ELMO1: variants seen among roughly 807,000 people sequenced by gnomAD.
The protein encoded by ELMO1 is engulfment and cell motility protein 1.
Under a neutral mutation model 98.9 loss-of-function variants are expected in ELMO1, and 26 were observed. The observed-to-expected ratio is 0.26, with a 90% CI of 0.19 to 0.36. The LOEUF (loss-of-function observed/expected upper bound fraction) is 0.36, where lower values mean the gene tolerates loss of function less well. Among genes scored for constraint, ELMO1 ranks in the 10% least tolerant of loss-of-function variants. The pLI, the probability that ELMO1 is intolerant of heterozygous loss-of-function variation, is 1.00. For synonymous variants in ELMO1, 346 were observed against 346.0 expected (o/e 1.00, Z 0.00); for missense variants, 627 against 935.2 (o/e 0.67, Z 4.30).
intron 7 of ELMO1, among the ~76,000 whole-genome samples, chr7:37,238,944 C>G (rs918368214): frequency 6.6e-6 from 1 of 151,982 alleles, no homozygotes; most frequent in African/African-American, 2.4e-5. Context: ...ATTAACATGC[C>G]TCTGTGGATT....
chr7:37,218,693 T>G (rs1034207847), intron 10 of ELMO1, among the ~76,000 whole-genome samples: 1 of 152,228 alleles, frequency 6.6e-6, no homozygotes, highest in African/African-American at 2.4e-5. Context: ...TTAGAAAAAC[T>G]ACAATGCATG....
intron 16 of ELMO1, among the ~76,000 whole-genome samples, chr7:36,944,020 G>A (rs897308324): frequency 6.6e-6 from 1 of 152,200 alleles, no homozygotes; most frequent in Non-Finnish European, 1.5e-5. Flanking sequence ...CAAGATGGAG[G>A]TGGGGAGTAC....
At chr7:36,888,671 A>G (rs148222560) in intron 17 of ELMO1, among the ~76,000 whole-genome samples, 53 of 152,338 alleles carry the variant, frequency 3.5e-4, no homozygotes, top group Admixed American at 1.4e-3. Flanking sequence ...ACTGAGCAGG[A>G]ATGTAAGGCA....
At chr7:37,092,430 G>A (rs1469722383) in intron 15 of ELMO1, among the ~76,000 whole-genome samples, 4 of 142,360 alleles carry the variant, frequency 2.8e-5, no homozygotes, top group Non-Finnish European at 6.0e-5. Flanking sequence ...CCAGGCTGGA[G>A]GGCAGTGGTG....
intron 13 of ELMO1, among the ~76,000 whole-genome samples, chr7:37,187,982 T>C (rs1195718938): frequency 1.3e-5 from 2 of 152,068 alleles, no homozygotes; most frequent in African/African-American, 4.8e-5. Flanking sequence ...CTTTGTCTAA[T>C]CATTTCTATT....
intron 2 of ELMO1, among the ~76,000 whole-genome samples, chr7:37,321,585 C>T (rs1390078109): frequency 2.0e-5 from 3 of 151,166 alleles, no homozygotes; most frequent in African/African-American, 4.9e-5. Flanking sequence ...GGCGTGGTGG[C>T]GGGCGCCTGT....
chr7:37,173,627 C>T (rs577010690), intron 13 of ELMO1, among the ~76,000 whole-genome samples: 7 of 152,376 alleles, frequency 4.6e-5, no homozygotes, highest in Admixed American at 4.6e-4. Context: ...TGACCTTCTC[C>T]TCCAGCCCCA....
chr7:37,096,578 T>G (rs1479348249), intron 15 of ELMO1, 41 bp downstream of exon 15: 1 of 1,565,294 alleles, frequency 6.4e-7, no homozygotes, highest in African/African-American at 1.4e-5. Flanking sequence ...AAGCTGGGAC[T>G]CTGCCAGCTT....
Position 36,853,131 on chromosome 7 carries a change from T to G in ELMO1, c.*2420A>C, listed in dbSNP as rs1368598679. Among the ~76,000 whole-genome samples, 1 of 152,142 alleles carries G rather than the reference T, an allele frequency of 6.6e-6. No individual in the cohort carries two copies. ...AGAGAGAAGGTGAGGTGGCCAAATA[T>G]GGGCAACAATCCTTCCCCACATGGT... On this transcript the variant is annotated 3_prime_UTR_variant, in exon 22 of 22. Transcript: ENST00000310758.
intron 1 of ELMO1, among the ~76,000 whole-genome samples, chr7:37,377,861 C>T (rs963271514): frequency 6.6e-6 from 1 of 152,136 alleles, no homozygotes; most frequent in Non-Finnish European, 1.5e-5. Flanking sequence ...GCTATACTTC[C>T]CCACTGAAGC....
At chr7:37,040,044 A>G (rs1046806289) in intron 15 of ELMO1, among the ~76,000 whole-genome samples, 21 of 151,586 alleles carry the variant, frequency 1.4e-4, no homozygotes, top group African/African-American at 4.8e-4. Context: ...GTTTGTGTGT[A>G]TGTGTGTGTG....
chr7:37,284,390 T>G (rs1248428096), intron 4 of ELMO1, among the ~76,000 whole-genome samples: 3 of 152,090 alleles, frequency 2.0e-5, no homozygotes, highest in African/African-American at 7.2e-5. Context: ...GTGAATGAGA[T>G]GGGAAGGGAA....
intron 2 of ELMO1, among the ~76,000 whole-genome samples, chr7:37,331,568 C>T (rs907520985): frequency 6.6e-5 from 10 of 151,978 alleles, no homozygotes; most frequent in African/African-American, 1.9e-4. Context: ...GCTTTGTCCT[C>T]ATAATCTCCT....
intron 15 of ELMO1, among the ~76,000 whole-genome samples, chr7:37,065,907 A>T (rs968348736): frequency 2.0e-5 from 3 of 152,136 alleles, no homozygotes; most frequent in African/African-American, 7.2e-5. Context: ...CTGAGCTGTA[A>T]TAATCCCCAC....
chr7:37,447,713 ACCACACACACAC>A (rs1562698624), intron 1 of ELMO1, among the ~76,000 whole-genome samples: 1 of 45,070 alleles, frequency 2.2e-5, no homozygotes, highest in Non-Finnish European at 4.5e-5. Context: ...GCGCGCACAC[ACCACACACACAC>A]ACACACACAC....
chr7:36,967,193 C>A (rs1171782587), intron 16 of ELMO1, among the ~76,000 whole-genome samples: 1 of 152,158 alleles, frequency 6.6e-6, no homozygotes, highest in African/African-American at 2.4e-5. Context: ...GAAATACATG[C>A]TCTAGGCCAA....
In ELMO1 at chr7:37,004,328, T is replaced by C. The variant is rs1042620725; in HGVS notation, c.1437+8971A>G. Among the ~76,000 whole-genome samples the C allele has an allele frequency of 4.6e-5, 7 of 152,198 alleles. No individual in the cohort carries two copies. The South Asian group carries it at 6.2e-4, about 14-fold the overall frequency. On this transcript the variant is annotated intron_variant, in intron 16 of 21. Coordinates refer to ENST00000310758, the MANE Select transcript of ELMO1 (RefSeq NM_014800.11). ...TAGAAACCAGTTAACAACTGGTTTC[T>C]ACACAGCCCCAATGTATAGTTAATA...
chr7:36,902,514 C>T (rs556093740), intron 16 of ELMO1, among the ~76,000 whole-genome samples: 15 of 152,302 alleles, frequency 9.8e-5, no homozygotes, highest in East Asian at 3.9e-4. Context: ...GCGAAGCTTA[C>T]GGGGCATCAC....
intron 15 of ELMO1, among the ~76,000 whole-genome samples, chr7:37,046,593 T>A (rs182961719): frequency 2.6e-5 from 4 of 151,156 alleles, no homozygotes; most frequent in African/African-American, 4.8e-5. Flanking sequence ...GGAATGAGAA[T>A]GATGAAAACA....
Sources: allele counts gnomAD v4.1 joint callset (sites outside exome capture counted in the v4.1 genomes callset), GRCh38; gene constraint gnomAD v4.1.1; transcripts MANE v1.5; gene names NCBI Gene and HGNC (gene_info 2026-07-23, HGNC 2026-07-21).